PAPSS2: variants seen among roughly 807,000 people sequenced by gnomAD.
The protein encoded by PAPSS2 is 3'-phosphoadenosine 5'-phosphosulfate synthase 2.
In PAPSS2, 61 loss-of-function variants were observed where a neutral mutation model predicts 66.5. The ratio of observed to expected loss-of-function variants is 0.92; its 90% confidence interval spans 0.75 to 1.14. PAPSS2 has a LOEUF of 1.14. Ranked by LOEUF, PAPSS2 falls within the 50% of genes most tolerant of loss-of-function variation. The pLI is 0.00. For missense variants in PAPSS2, 708 were observed against 789.6 expected, an observed-to-expected ratio of 0.90 and a Z score of 1.24; for synonymous variants, 289 against 287.5, an observed-to-expected ratio of 1.01 and a Z score of -0.05.
At chr10:87,672,755 C>T (rs1403865129) in intron 1 of PAPSS2, among the ~76,000 whole-genome samples, 1 of 152,118 alleles carries the variant, frequency 6.6e-6, no homozygotes, top group Non-Finnish European at 1.5e-5. Context: ...CAGGGGTTAG[C>T]AAATCATATC....
rs1554867987 is a variant in PAPSS2, at chr10:87,734,663, G to GTACATA, written c.1087-6570_1087-6569insCATATA. Reference sequence around the variant, plus strand: ...TGATAGCACAGAAATGAATGTGTGTGTATATATATATATATATATATATAT... The same window carrying GTACATA: ...TGATAGCACAGAAATGAATGTGTGTGTACATATATATATATATATATATATATATAT... On this transcript the variant is annotated intron_variant, in intron 9 of 12. Transcript: ENST00000456849. Among the ~76,000 whole-genome samples the GTACATA allele has an allele frequency of 4.4e-3, 358 of 81,066 alleles. 11 individuals are homozygous for GTACATA. Among genetic ancestry groups the GTACATA allele is most frequent in the Non-Finnish European group, 5.4e-3 (247 of 45,326 alleles). The allele number at this position is 81,066 out of a possible 152,430, so 53.2% of individuals were successfully genotyped here.
At chr10:87,712,635 T>G (rs1386934882) in intron 2 of PAPSS2, among the ~76,000 whole-genome samples, 1 of 152,082 alleles carries the variant, frequency 6.6e-6, no homozygotes, top group East Asian at 1.9e-4. Flanking sequence ...TTTTTTGTTT[T>G]TTGTAGATGC....
intron 2 of PAPSS2, among the ~76,000 whole-genome samples, chr10:87,711,557 G>A (rs1489531791): frequency 6.6e-6 from 1 of 152,096 alleles, no homozygotes; most frequent in Non-Finnish European, 1.5e-5. Flanking sequence ...TATCACCTAT[G>A]TCTTTATTTA....
Position 87,745,070 on chromosome 10 carries a change from A to G in PAPSS2, c.1560A>G (p.Ala520=), listed in dbSNP as rs1319621759. 1 of 1,614,136 alleles carries G rather than the reference A, an allele frequency of 6.2e-7. No individual in the cohort carries two copies. The highest frequency in any genetic ancestry group is 1.1e-5 in the South Asian group (1 of 91,086). ...ANFYIVGRDP[A]GMPHPETKKD... ...TCTACATTGTGGGGAGGGACCCTGC[A>G]GGAATGCCCCATCCTGAAACCAAGA... Residue 520 remains alanine, a synonymous_variant, in exon 12 of 13, where the codon GCA becomes GCG. Coordinates refer to ENST00000456849, the MANE Select transcript of PAPSS2 (RefSeq NM_001015880.2).
intron 1 of PAPSS2, 79 bp from the exon 2 acceptor site, chr10:87,709,117 A>G (rs1296015816): frequency 1.1e-6 from 1 of 933,078 alleles, no homozygotes; most frequent in African/African-American, 1.6e-5. Context: ...TAAAAGTTTA[A>G]GATGGATTTA....
Position 87,715,089 on chromosome 10 carries a change from A to G in PAPSS2, c.744A>G (p.Ser248=). The G allele has an allele frequency of 6.3e-7, 1 of 1,590,682 alleles. No homozygotes were observed. The highest frequency in any genetic ancestry group is 8.6e-7 in the Non-Finnish European group (1 of 1,158,710). Residue 248 remains serine, a synonymous_variant, in exon 6 of 13, where the codon TCA becomes TCG. Transcript: ENST00000456849. Reference sequence around the variant, plus strand: ...AGGCTGAAACTCTCCCTTCATTATCAATTACTAAGGTAAGTGGGTGCAGAC... The same window carrying G: ...AGGCTGAAACTCTCCCTTCATTATCGATTACTAAGGTAAGTGGGTGCAGAC... The part of the protein sequence containing the change: ...RAEAETLPSL[S]ITKLDLQWVQ...
At chr10:87,730,978 G>T (rs963671981) in intron 9 of PAPSS2, among the ~76,000 whole-genome samples, 1 of 152,256 alleles carries the variant, frequency 6.6e-6, no homozygotes, top group Non-Finnish European at 1.5e-5. Context: ...TAAGATCATT[G>T]ATGTAGGTGG....
intron 1 of PAPSS2, among the ~76,000 whole-genome samples, chr10:87,673,775 C>T (rs1852911056): frequency 9.9e-6 from 1 of 100,668 alleles, no homozygotes. Flanking sequence ...TTTCCTTTTT[C>T]TTGTCCACTT....
chr10:87,725,146 T>C (rs373635110), intron 8 of PAPSS2, among the ~76,000 whole-genome samples: 1 of 152,202 alleles, frequency 6.6e-6, no homozygotes, highest in Admixed American at 6.5e-5. Flanking sequence ...ATCTAAAAAG[T>C]ACCTCTACAG....
At chr10:87,709,924 A>G (rs1255961191) in intron 2 of PAPSS2, among the ~76,000 whole-genome samples, 1 of 152,210 alleles carries the variant, frequency 6.6e-6, no homozygotes. Context: ...TTGTGTTTTT[A>G]TAGCCACAGA....
chr10:87,728,166 G>A (rs1853683334), intron 9 of PAPSS2, among the ~76,000 whole-genome samples: 2 of 152,244 alleles, frequency 1.3e-5, no homozygotes, highest in Non-Finnish European at 2.9e-5. Context: ...TGTCGGTGAT[G>A]GGGTGGGGTG....
At chr10:87,686,925 A>AC (rs1853096442) in intron 1 of PAPSS2, among the ~76,000 whole-genome samples, 1 of 152,316 alleles carries the variant, frequency 6.6e-6, no homozygotes, top group Middle Eastern at 3.4e-3. Flanking sequence ...TGAGAAATAA[A>AC]CCCTTAGTAG....
At chr10:87,692,479 A>G (rs1453735175) in intron 1 of PAPSS2, among the ~76,000 whole-genome samples, 1 of 152,188 alleles carries the variant, frequency 6.6e-6, no homozygotes, top group East Asian at 1.9e-4. Context: ...CAAGGAGTCT[A>G]TGGAAGAGCG....
At chr10:87,689,281 G>T (rs1197335011) in intron 1 of PAPSS2, among the ~76,000 whole-genome samples, 1 of 117,162 alleles carries the variant, frequency 8.5e-6, no homozygotes, top group Non-Finnish European at 1.9e-5. Flanking sequence ...CAGAGGTTGT[G>T]GTGAGCCGAG....
At position 87,746,848 on chromosome 10, in the gene PAPSS2, C is replaced by T. The variant is rs1198080316; in HGVS notation, c.*878C>T. On this transcript the variant is annotated 3_prime_UTR_variant, in exon 13 of 13. Transcript: ENST00000456849. ...TTCACACTATCAGACTAGCAAGGCA[C>T]TAGAACTGGAAAAGACCACAGAAAA... The T allele has an allele frequency of 6.6e-6, 1 of 152,244 alleles. No individual in the cohort carries two copies. The highest frequency in any genetic ancestry group is 2.4e-5 in the African/African-American group (1 of 41,462). 9.4% of individuals were successfully genotyped at this position (152,244 alleles called of 1,614,324 possible).
intron 1 of PAPSS2, among the ~76,000 whole-genome samples, chr10:87,675,971 CTTTTTT>C (rs5786787): frequency 3.9e-5 from 5 of 127,962 alleles, no homozygotes; most frequent in African/African-American, 1.3e-4. Flanking sequence ...TTCCACATTT[CTTTTTT>C]TTTTTTTTTT....
intron 8 of PAPSS2, among the ~76,000 whole-genome samples, chr10:87,726,730 A>T (rs1853664093): frequency 6.6e-6 from 1 of 152,236 alleles, no homozygotes; most frequent in South Asian, 2.1e-4. Flanking sequence ...AACTTATTAT[A>T]CAAAAAATGC....
At chr10:87,673,817 A>C (rs1287481146) in intron 1 of PAPSS2, among the ~76,000 whole-genome samples, 1 of 149,664 alleles carries the variant, frequency 6.7e-6, no homozygotes, top group Non-Finnish European at 1.5e-5. Context: ...TGCTTTATGA[A>C]TCTTCTAAGT....
At chr10:87,731,768 G>C (rs557649273) in intron 9 of PAPSS2, among the ~76,000 whole-genome samples, 3 of 152,324 alleles carry the variant, frequency 2.0e-5, no homozygotes, top group African/African-American at 4.8e-5. Flanking sequence ...TAGAAGTGGA[G>C]CCTGAAGAAG....
Sources: gnomAD v4.1 joint callset for allele counts (sites outside exome capture counted in the v4.1 genomes callset) on GRCh38, gnomAD v4.1.1 for gene constraint, MANE v1.5 for transcripts, NCBI Gene and HGNC (gene_info 2026-07-23, HGNC 2026-07-21) for gene names.